Variants in PROM1 observed in about 807,000 individuals in gnomAD.
PROM1 encodes the protein prominin 1.
Under a neutral mutation model 116.9 loss-of-function variants are expected in PROM1, and 105 were observed. That is an observed-to-expected ratio of 0.90 (90% confidence interval 0.77 to 1.06). The LOEUF (loss-of-function observed/expected upper bound fraction) is 1.06. Among genes scored for constraint, PROM1 ranks in the 50% least tolerant of loss-of-function variants. The pLI is 0.00. For missense variants in PROM1, 1,122 were observed against 1,045.2 expected (o/e 1.07, Z -1.01); for synonymous variants, 393 against 387.0 (o/e 1.02, Z -0.18).
intron 13 of PROM1, among the ~76,000 whole-genome samples, chr4:16,005,258 C>T (rs994318407): frequency 5.3e-5 from 8 of 152,124 alleles, no homozygotes; most frequent in African/African-American, 1.9e-4. Flanking sequence ...CCATCGTGCC[C>T]AGACAAATAT....
At chr4:15,987,740 C>T in intron 19 of PROM1, 24 bp from the exon 20 acceptor site, 1 of 1,593,130 alleles carries the variant, frequency 6.3e-7, no homozygotes, top group African/African-American at 1.3e-5. Context: ...GATAATATTT[C>T]CAAAATTATT....
At chr4:16,012,757 G>C (rs1193467687) in intron 11 of PROM1, among the ~76,000 whole-genome samples, 1 of 151,254 alleles carries the variant, frequency 6.6e-6, no homozygotes, top group Non-Finnish European at 1.5e-5. Flanking sequence ...TGTAGTCCCA[G>C]CTACTCAGGA....
chr4:15,988,870 T>C (rs1720209615), intron 19 of PROM1, among the ~76,000 whole-genome samples: 1 of 152,162 alleles, frequency 6.6e-6, no homozygotes, highest in Non-Finnish European at 1.5e-5. Flanking sequence ...AAAAGAGTAT[T>C]GGAAATTAGT....
chr4:16,018,991 C>A (rs1729135393), intron 8 of PROM1, among the ~76,000 whole-genome samples: 1 of 152,178 alleles, frequency 6.6e-6, no homozygotes, highest in Non-Finnish European at 1.5e-5. Context: ...TAGTTAAGAG[C>A]ACGGTTTTAG....
chr4:15,980,605 G>C, intron 23 of PROM1, 68 bp from the exon 24 acceptor site: 1 of 745,224 alleles, frequency 1.3e-6, no homozygotes, highest in Non-Finnish European at 1.9e-6. Context: ...TTGTTTGGGG[G>C]ATTTTTTTTT....
chr4:15,989,680 C>T, intron 19 of PROM1, 52 bp downstream of exon 19: 1 of 1,403,564 alleles, frequency 7.1e-7, no homozygotes, highest in Non-Finnish European at 9.9e-7. Context: ...CAACTAGCTG[C>T]AGTAGATTTT....
intron 2 of PROM1, among the ~76,000 whole-genome samples, chr4:16,041,759 TAA>T (rs1735286305): frequency 4.4e-5 from 1 of 22,526 alleles, no homozygotes; most frequent in Non-Finnish European, 1.3e-4. Flanking sequence ...AATAAATAAA[TAA>T]ATAAATAAAT....
rs1017890092 is a variant in PROM1 at position 16,000,689 on chromosome 4, T to C, written c.1455-70A>G. ...ATATTACCTACTGATACTTACTAAA[T>C]CTACCTATACTCTATAAAATAGCCC... is the stretch of plus-strand genomic sequence containing the variant. On this transcript the variant is annotated intron_variant, in intron 13 of 27. Coordinates refer to ENST00000447510, the MANE Select transcript of PROM1 (RefSeq NM_006017.3). 9 of 1,328,178 alleles carry C rather than the reference T, an allele frequency of 6.8e-6. No homozygotes were observed. The Admixed American group carries it at 2.0e-4, about 29-fold the overall frequency. 82.3% of individuals were successfully genotyped at this position (1,328,178 alleles called of 1,614,324 possible).
intron 15 of PROM1, among the ~76,000 whole-genome samples, chr4:15,995,982 A>G (rs900201813): frequency 1.3e-5 from 2 of 152,236 alleles, no homozygotes; most frequent in Admixed American, 1.3e-4. Context: ...ATATAATAAT[A>G]AAAGCAGTTG....
chr4:16,023,018 G>A (rs942906152), intron 8 of PROM1, among the ~76,000 whole-genome samples: 4 of 152,208 alleles, frequency 2.6e-5, no homozygotes, highest in Middle Eastern at 3.4e-3. Context: ...GCACGAAAAC[G>A]GCCACAGATG....
rs767219239 is a variant in PROM1, at chr4:16,008,952, T to C, written c.1298A>G (p.Tyr433Cys). ...NLPTLEEYDS[Y>C]WWLGGLVICS... The stretch of plus-strand genomic sequence containing the variant: ...CCAGCTCCAAGGAGACACTCACCAG[T>C]ATGAATCATACTCTTCCAATGTAGG... Residue 433 changes from tyrosine to cysteine, a missense_variant, in exon 12 of 28, where the codon TAC (tyrosine) becomes TGC (cysteine). Coordinates refer to ENST00000447510, the MANE Select transcript of PROM1 (RefSeq NM_006017.3). 5.7e-6 allele frequency: 9 copies of C among 1,583,056 alleles called. No homozygotes were observed. Among genetic ancestry groups the C allele is most frequent in the Non-Finnish European group, 6.1e-6 (7 of 1,153,662 alleles).
At chr4:15,982,366 C>T (rs1211776208) in intron 23 of PROM1, among the ~76,000 whole-genome samples, 1 of 152,188 alleles carries the variant, frequency 6.6e-6, no homozygotes. Context: ...TTCCCCCTTC[C>T]CTCTATGTTC....
intron 2 of PROM1, among the ~76,000 whole-genome samples, chr4:16,054,861 GA>G (rs751033617): frequency 4.6e-4 from 70 of 151,870 alleles, no homozygotes; most frequent in Admixed American, 2.0e-3. Context: ...TTCCGGGGGG[GA>G]AAAAAATCAT....
At chr4:16,010,780 A>T (rs1030119932) in intron 11 of PROM1, among the ~76,000 whole-genome samples, 4 of 152,156 alleles carry the variant, frequency 2.6e-5, no homozygotes, top group African/African-American at 9.7e-5. Context: ...GGATTATAGC[A>T]GTGAGCCACC....
At chr4:16,080,107 A>T (rs908333249) in intron 1 of PROM1, 2 of 151,550 alleles carry the variant, frequency 1.3e-5, no homozygotes, top group Admixed American at 1.3e-4. Flanking sequence ...CAGGAGGATT[A>T]CTTGAGTCCA....
intron 2 of PROM1, among the ~76,000 whole-genome samples, chr4:16,047,251 C>A (rs909489680): frequency 4.6e-5 from 7 of 152,072 alleles, no homozygotes; most frequent in Non-Finnish European, 5.9e-5. Context: ...GTCGCCCAGG[C>A]TGGAGTACAG....
intron 2 of PROM1, among the ~76,000 whole-genome samples, chr4:16,052,221 A>G (rs1230271508): frequency 6.6e-5 from 10 of 152,186 alleles, no homozygotes; most frequent in Non-Finnish European, 1.3e-4. Flanking sequence ...CAACTGAAGA[A>G]GTACCCAGCC....
intron 1 of PROM1, chr4:16,077,974 A>G (rs1198885477): frequency 6.6e-6 from 1 of 152,198 alleles, no homozygotes; most frequent in Non-Finnish European, 1.5e-5. Context: ...CACATGTGCA[A>G]CACTGGAACC....
At chr4:16,077,392 T>C (rs988202261) in intron 1 of PROM1, among the ~76,000 whole-genome samples, 74 of 152,252 alleles carry the variant, frequency 4.9e-4, no homozygotes, top group African/African-American at 1.6e-3. Flanking sequence ...CTGCTGACCT[T>C]CTCTCCACTA....
Sources: gnomAD v4.1 joint callset for allele counts (sites outside exome capture counted in the v4.1 genomes callset) on GRCh38, gnomAD v4.1.1 for gene constraint, MANE v1.5 for transcripts, NCBI Gene and HGNC (gene_info 2026-07-23, HGNC 2026-07-21) for gene names.